Variants in FSTL5 observed in about 807,000 individuals in gnomAD.
FSTL5 encodes the protein follistatin-related protein 5.
In FSTL5, 62 loss-of-function variants were observed where a neutral mutation model predicts 89.1. The observed-to-expected ratio is 0.70, with a 90% CI of 0.57 to 0.86. FSTL5 has a LOEUF of 0.86. Among genes scored for constraint, FSTL5 ranks in the 40% least tolerant of loss-of-function variants. FSTL5 has a pLI of 0.00. For synonymous variants in FSTL5, 383 were observed against 346.2 expected, an observed-to-expected ratio of 1.11 and a Z score of -1.18; for missense variants, 1,057 against 1,001.6, an observed-to-expected ratio of 1.06 and a Z score of -0.75.
At chr4:162,015,568 G>C (rs1736893478) in intron 3 of FSTL5, among the ~76,000 whole-genome samples, 2 of 150,088 alleles carry the variant, frequency 1.3e-5, no homozygotes, top group South Asian at 2.1e-4. Context: ...AATGGGATAT[G>C]GGGGGTGATG....
At chr4:161,650,861 A>G (rs544029704) in intron 7 of FSTL5, among the ~76,000 whole-genome samples, 1 of 152,202 alleles carries the variant, frequency 6.6e-6, no homozygotes, top group Non-Finnish European at 1.5e-5. Flanking sequence ...TAATGTAGAC[A>G]ATAATGTCTA....
At chr4:161,562,450 A>T (rs1384555639) in intron 8 of FSTL5, among the ~76,000 whole-genome samples, 7 of 152,034 alleles carry the variant, frequency 4.6e-5, no homozygotes, top group Non-Finnish European at 8.8e-5. Context: ...ATTGAAATTT[A>T]TCAACATAGT....
chr4:161,785,845 AT>A (rs962978776), intron 4 of FSTL5, among the ~76,000 whole-genome samples: 2 of 151,946 alleles, frequency 1.3e-5, no homozygotes, highest in Non-Finnish European at 2.9e-5. Context: ...ATAATTATAT[AT>A]TTTTTTCTTG....
chr4:161,605,236 A>G (rs1371436328), intron 7 of FSTL5, among the ~76,000 whole-genome samples: 1 of 152,168 alleles, frequency 6.6e-6, no homozygotes, highest in African/African-American at 2.4e-5. Context: ...TATTCACATG[A>G]CTGTATTGTT....
chr4:161,991,225 A>G (rs1323267455), intron 3 of FSTL5, among the ~76,000 whole-genome samples: 3 of 152,220 alleles, frequency 2.0e-5, no homozygotes, highest in Admixed American at 6.5e-5. Context: ...TCTAGCACCT[A>G]CTGAATAATT....
intron 13 of FSTL5, among the ~76,000 whole-genome samples, chr4:161,463,778 A>G (rs1733655598): frequency 6.6e-6 from 1 of 152,188 alleles, no homozygotes; most frequent in Admixed American, 6.5e-5. Context: ...TCCACATGTT[A>G]TGCAAAGGAT....
In FSTL5 at chr4:162,105,875, G is replaced by A. The variant is rs879857534; in HGVS notation, c.126+5396C>T. 6.5e-4 allele frequency among the ~76,000 whole-genome samples: 99 copies of A among 151,996 alleles called. 1 individual carries two copies. The highest frequency in any genetic ancestry group is 2.1e-4 in the South Asian group (1 of 4,822). On this transcript the variant is annotated intron_variant, in intron 2 of 15. Transcript: ENST00000306100. ...GAATATGCTGCCAGCAATCACATAC[G>A]TCAGAAGCGATAGCAAATTTTTTCC...
chr4:161,500,068 T>A lies in FSTL5; in HGVS notation c.1406A>T (p.Glu469Val), dbSNP rs777914312. 2 of 1,611,234 alleles carry A rather than the reference T, an allele frequency of 1.2e-6. No individual in the cohort carries two copies. The highest frequency in any genetic ancestry group is 2.7e-5 in the African/African-American group (2 of 74,858). Residue 469 changes from glutamate (E) to valine (V), a missense_variant, in exon 12 of 16, where the codon GAA becomes GTA. Transcript: ENST00000306100. ...CTTAATGTGCCTCTGAAATTCACAT[T>A]CTATGGGTTGTATCACTTTGATTCC... ...EDGIKVIQPIECEFQRHIKPS... is the reference protein window; with the variant it reads ...EDGIKVIQPIVCEFQRHIKPS...
intron 1 of FSTL5, among the ~76,000 whole-genome samples, chr4:162,118,690 T>C (rs1405597878): frequency 6.6e-6 from 1 of 152,174 alleles, no homozygotes; most frequent in East Asian, 1.9e-4. Context: ...CTAGCACCAT[T>C]TACAACAAAA....
At position 161,734,687 on chromosome 4, in the gene FSTL5, C is replaced by G. The variant is rs185494279; in HGVS notation, c.727+24724G>C. 5.3e-5 allele frequency among the ~76,000 whole-genome samples: 8 copies of G among 152,052 alleles called. No individual in the cohort carries two copies. In the East Asian group the frequency reaches 1.6e-3, roughly 29 times the overall value. On this transcript the variant is annotated intron_variant, in intron 6 of 15. Coordinates refer to ENST00000306100, the MANE Select transcript of FSTL5 (RefSeq NM_020116.5). ...AAATAAACAAAAAACAAAAACAAAA[C>G]AAAAAAACTTCAACGAACTGTGTTT... is the stretch of plus-strand genomic sequence containing the variant.
chr4:161,778,595 C>G (rs1251828513), intron 4 of FSTL5, among the ~76,000 whole-genome samples: 2 of 152,132 alleles, frequency 1.3e-5, no homozygotes, highest in Non-Finnish European at 2.9e-5. Context: ...TTGTTCAGCA[C>G]TTTGGTTTTT....
At chr4:161,767,183 TG>T (rs1184891675) in intron 5 of FSTL5, among the ~76,000 whole-genome samples, 40 of 152,314 alleles carry the variant, frequency 2.6e-4, no homozygotes, top group African/African-American at 8.9e-4. Context: ...CATGTTGGCC[TG>T]TCAAAAAGAA....
At chr4:161,783,065 A>C (rs1265849154) in intron 4 of FSTL5, among the ~76,000 whole-genome samples, 1 of 152,200 alleles carries the variant, frequency 6.6e-6, no homozygotes, top group Non-Finnish European at 1.5e-5. Flanking sequence ...GAACATTAGC[A>C]GAAAACACAA....
Position 161,784,633 on chromosome 4 carries a change from G to T in FSTL5, c.410-8559C>A, listed in dbSNP as rs900859036. 2.7e-4 allele frequency among the ~76,000 whole-genome samples: 41 copies of T among 151,764 alleles called. 1 individual carries two copies. Among genetic ancestry groups the T allele is most frequent in the Admixed American group, 2.7e-3 (41 of 15,246 alleles). On this transcript the variant is annotated intron_variant, in intron 4 of 15. Coordinates refer to ENST00000306100, the MANE Select transcript of FSTL5 (RefSeq NM_020116.5). ...CCACGGGCTGGGTGCAGTGGCTCACGCCTGTAATCCCAGCACTTTGGAAGG... is the reference window on the plus strand; with the variant it reads ...CCACGGGCTGGGTGCAGTGGCTCACTCCTGTAATCCCAGCACTTTGGAAGG...
intron 4 of FSTL5, among the ~76,000 whole-genome samples, chr4:161,886,992 GC>G (rs1264376521): frequency 6.6e-6 from 1 of 152,066 alleles, no homozygotes; most frequent in East Asian, 1.9e-4. Flanking sequence ...CTTTAAAATA[GC>G]TACATTTATG....
rs1182490134 is a variant in FSTL5 at position 161,620,124 on chromosome 4, G to A, written c.895-32549C>T. On this transcript the variant is annotated intron_variant, in intron 7 of 15. Transcript: ENST00000306100. ...AACCACCGCATATTCTCACTCATAG[G>A]TGGGAATTGAACAATGAGATCACAT... 3.4e-5 allele frequency among the ~76,000 whole-genome samples: 5 copies of A among 145,696 alleles called. No individual in the cohort carries two copies. In the Admixed American group the frequency reaches 3.6e-4, roughly 10 times the overall value.
intron 1 of FSTL5, among the ~76,000 whole-genome samples, chr4:162,149,246 C>T (rs1907757): frequency 0.23 from 35,343 of 151,898 alleles, 4,307 homozygotes; most frequent in Non-Finnish European, 0.26. Flanking sequence ...CGGTGGCTCA[C>T]GCCTGTAATC....
At chr4:161,703,446 A>G (rs1354769039) in intron 6 of FSTL5, among the ~76,000 whole-genome samples, 1 of 152,136 alleles carries the variant, frequency 6.6e-6, no homozygotes, top group Non-Finnish European at 1.5e-5. Context: ...TTAAGTGATG[A>G]GCTTTCTCAT....
intron 5 of FSTL5, among the ~76,000 whole-genome samples, chr4:161,763,690 G>A (rs1740884822): frequency 6.6e-6 from 1 of 152,056 alleles, no homozygotes; most frequent in Non-Finnish European, 1.5e-5. Context: ...TCCATCCTTT[G>A]CAAAAATATT....
Sources: gnomAD v4.1 joint callset for allele counts (sites outside exome capture counted in the v4.1 genomes callset) on GRCh38, gnomAD v4.1.1 for gene constraint, MANE v1.5 for transcripts, NCBI Gene and HGNC (gene_info 2026-07-23, HGNC 2026-07-21) for gene names.